EPS8: variants seen among roughly 807,000 people sequenced by gnomAD.
The protein encoded by EPS8 is EGFR pathway substrate 8, signaling adaptor.
In EPS8, 42 loss-of-function variants were observed where a neutral mutation model predicts 103.8. The ratio of observed to expected loss-of-function variants is 0.40; its 90% confidence interval spans 0.32 to 0.52. The LOEUF (loss-of-function observed/expected upper bound fraction) is 0.52, where lower values mean the gene tolerates loss of function less well. Ranked by LOEUF, EPS8 falls within the 20% of genes least tolerant of loss-of-function variation. The probability of loss-of-function intolerance (pLI) is 0.40; values close to 1 mark genes in which losing one functional copy is unlikely to be tolerated. For missense variants in EPS8, 969 were observed against 1,005.1 expected (o/e 0.96, Z 0.49); for synonymous variants, 344 against 344.6 (o/e 1.00, Z 0.02).
At chr12:15,662,688 G>A (rs1031855344) in intron 8 of EPS8, 3 of 978,770 alleles carry the variant, frequency 3.1e-6, no homozygotes, top group Non-Finnish European at 3.6e-6. Context: ...ACCATTCAGG[G>A]TATTAAGGTT....
At position 15,714,365 on chromosome 12, in the gene EPS8, G is replaced by A. The variant is rs1433859184; in HGVS notation, c.-21-31393C>T. On this transcript the variant is annotated intron_variant, in intron 1 of 20. Coordinates refer to ENST00000281172, the MANE Select transcript of EPS8 (RefSeq NM_004447.6). The surrounding 1 kb of genome is among the most constrained non-coding windows in gnomAD (Gnocchi z 4.1). ...TGAATAAAGATATGGCACAGGCTGGGTACAGTGGCTCACACCTGTAATCCC... is the reference window on the plus strand; with the variant it reads ...TGAATAAAGATATGGCACAGGCTGGATACAGTGGCTCACACCTGTAATCCC... Among the ~76,000 whole-genome samples, 1 of 152,176 alleles carries A rather than the reference G, an allele frequency of 6.6e-6. No homozygotes were observed. Among genetic ancestry groups the A allele is most frequent in the East Asian group, 1.9e-4 (1 of 5,200 alleles).
In EPS8 at chr12:15,745,532, A is replaced by T. The variant is rs1415360675; in HGVS notation, c.-22+43629T>A. Among the ~76,000 whole-genome samples, 1 of 148,322 alleles carries T rather than the reference A, an allele frequency of 6.7e-6. No individual in the cohort carries two copies. Among genetic ancestry groups the T allele is most frequent in the Non-Finnish European group, 1.5e-5 (1 of 67,570 alleles). ...AGACAGTCTCTACAGTCCCCATCTG[A>T]CTCCAAAAATCTATGACTATGTATC... On this transcript the variant is annotated intron_variant, in intron 1 of 20. Coordinates refer to ENST00000281172, the MANE Select transcript of EPS8 (RefSeq NM_004447.6). The surrounding 1 kb of genome is among the most constrained non-coding windows in gnomAD (Gnocchi z 4.6).
At chr12:15,768,516 G>A (rs1947121301) in intron 1 of EPS8, among the ~76,000 whole-genome samples, 1 of 150,772 alleles carries the variant, frequency 6.6e-6, no homozygotes, top group South Asian at 2.1e-4. Context: ...AGTTGGGTGT[G>A]TAGTATTTAC....
At chr12:15,626,627 CAAAA>C (rs771173535) in intron 18 of EPS8, among the ~76,000 whole-genome samples, 14 of 61,342 alleles carry the variant, frequency 2.3e-4, no homozygotes, top group African/African-American at 5.7e-4. Context: ...GACTCCGTCT[CAAAA>C]AAAAAAAAAA....
intron 3 of EPS8, among the ~76,000 whole-genome samples, chr12:15,671,185 A>G (rs1945810433): frequency 6.6e-6 from 1 of 152,140 alleles, no homozygotes; most frequent in African/African-American, 2.4e-5. Flanking sequence ...TATAAATATT[A>G]TAAGAAAAAA....
chr12:15,708,602 T>C (rs1191682573), intron 1 of EPS8, among the ~76,000 whole-genome samples: 1 of 152,218 alleles, frequency 6.6e-6, no homozygotes, highest in Non-Finnish European at 1.5e-5. Flanking sequence ...CAGCTCATTT[T>C]AGTTGGGTGA....
rs976179287 is a variant in EPS8 at position 15,716,814 on chromosome 12, T to G, written c.-21-33842A>C. ...GCAGAATCGATCAACAATGTCACAA[T>G]CCATTCATCTTGGAAGTATAAGCAA... On this transcript the variant is annotated intron_variant, in intron 1 of 20. Coordinates refer to ENST00000281172, the MANE Select transcript of EPS8 (RefSeq NM_004447.6). The surrounding 1 kb of genome is among the most constrained non-coding windows in gnomAD (Gnocchi z 5.0). Among the ~76,000 whole-genome samples, 5 of 152,272 alleles carry G rather than the reference T, an allele frequency of 3.3e-5. No individual in the cohort carries two copies. Among genetic ancestry groups the G allele is most frequent in the Non-Finnish European group, 2.9e-5 (2 of 68,020 alleles).
rs1423442507 is a variant in EPS8 at position 15,693,028 on chromosome 12, G to A, written c.-21-10056C>T. On this transcript the variant is annotated intron_variant, in intron 1 of 20. Transcript: ENST00000281172. The surrounding 1 kb of genome is among the most constrained non-coding windows in gnomAD (Gnocchi z 5.6). The stretch of plus-strand genomic sequence containing the variant: ...GCTTCTGAATTGCTTTAAATATCAG[G>A]TGATTACTGGTTATTACTCATATTG... Among the ~76,000 whole-genome samples the A allele has an allele frequency of 2.0e-5, 3 of 152,006 alleles. No individual in the cohort carries two copies. Among genetic ancestry groups the A allele is most frequent in the African/African-American group, 7.3e-5 (3 of 41,322 alleles).
intron 1 of EPS8, among the ~76,000 whole-genome samples, chr12:15,715,807 T>C (rs1946526864): frequency 6.6e-6 from 1 of 151,510 alleles, no homozygotes; most frequent in Admixed American, 6.6e-5. Context: ...CACTTTCTAA[T>C]AAACTTTCCC....
intron 9 of EPS8, among the ~76,000 whole-genome samples, chr12:15,660,978 A>G (rs1169762727): frequency 6.6e-6 from 1 of 152,186 alleles, no homozygotes; most frequent in Non-Finnish European, 1.5e-5. Context: ...AGCATTCACA[A>G]TATCTGCTCA....
chr12:15,661,657 T>C (rs900021494), intron 9 of EPS8, among the ~76,000 whole-genome samples: 4 of 152,184 alleles, frequency 2.6e-5, no homozygotes, highest in South Asian at 2.1e-4. Flanking sequence ...TATTCTAAAA[T>C]ACATTGTTAA....
chr12:15,646,199 T>G (rs1213769729), intron 15 of EPS8, among the ~76,000 whole-genome samples: 1 of 152,180 alleles, frequency 6.6e-6, no homozygotes, highest in African/African-American at 2.4e-5. Context: ...CTTGGAGTTA[T>G]ACCTGTGTAA....
At position 15,641,723 on chromosome 12, in the gene EPS8, T is replaced by C; in HGVS notation, c.1676A>G (p.Glu559Gly). 1 of 1,487,904 alleles carries C rather than the reference T, an allele frequency of 6.7e-7. No individual in the cohort carries two copies. Among genetic ancestry groups the C allele is most frequent in the Non-Finnish European group, 9.1e-7 (1 of 1,093,952 alleles). 92.2% of individuals were successfully genotyped at this position (1,487,904 alleles called of 1,614,324 possible). A position where few individuals can be genotyped will look rare whatever the true frequency, so the allele number is the denominator to read the frequency against. ...ATAAAAAAGAAAAAATTATATTACCTCTAAAATATCATCCTTTAGAACCGA... is the reference window on the plus strand; with the variant it reads ...ATAAAAAAGAAAAAATTATATTACCCCTAAAATATCATCCTTTAGAACCGA... ...ELSVLKDDILEILDDRKQWWK... is the reference protein window; with the variant it reads ...ELSVLKDDILGILDDRKQWWK... Residue 559 changes from glutamate (E) to glycine (G), a missense_variant and splice_region_variant, in exon 16 of 21, where the codon GAG becomes GGG. Physicochemically the swap from Glu to Gly is moderately conservative, Grantham distance 98. Transcript: ENST00000281172.
intron 1 of EPS8, among the ~76,000 whole-genome samples, chr12:15,741,616 A>AT (rs745909533): frequency 6.6e-5 from 10 of 152,204 alleles, no homozygotes; most frequent in Non-Finnish European, 1.5e-4. Context: ...TGGTTAGCAC[A>AT]TATCATCTTT....
intron 16 of EPS8, among the ~76,000 whole-genome samples, chr12:15,641,075 A>G (rs1945220941): frequency 6.6e-6 from 1 of 152,174 alleles, no homozygotes; most frequent in Non-Finnish European, 1.5e-5. Flanking sequence ...TTACCTCCAA[A>G]GAACAGCCTG....
intron 8 of EPS8, chr12:15,662,803 ATATCTCATGG>A (rs1945628829): frequency 4.5e-6 from 1 of 220,528 alleles, no homozygotes; most frequent in African/African-American, 2.4e-5. Flanking sequence ...GTTGTTACAG[ATATCTCATGG>A]TAGAATAAAT....
intron 1 of EPS8, among the ~76,000 whole-genome samples, chr12:15,740,889 G>C (rs1295765671): frequency 6.6e-6 from 1 of 152,138 alleles, no homozygotes; most frequent in Non-Finnish European, 1.5e-5. Context: ...ACATCTACGT[G>C]GATTGGTAAT....
At position 15,752,298 on chromosome 12, in the gene EPS8, T is replaced by A. The variant is rs934743671; in HGVS notation, c.-22+36863A>T. ...CCGTTTCTACTAAAAATACAAAAAA[T>A]TAGCCAGGTGTGGTGGCGGGTGCCT... On this transcript the variant is annotated intron_variant, in intron 1 of 20. Transcript: ENST00000281172. The surrounding 1 kb of genome is among the most constrained non-coding windows in gnomAD (Gnocchi z 4.4). Among the ~76,000 whole-genome samples the A allele has an allele frequency of 2.0e-5, 3 of 151,814 alleles. No homozygotes were observed. The highest frequency in any genetic ancestry group is 4.4e-5 in the Non-Finnish European group (3 of 67,928).
chr12:15,695,020 C>T lies in EPS8; in HGVS notation c.-21-12048G>A, dbSNP rs1190821058. ...TTTATTATGTCAGCCACTGTGCAAG[C>T]ACTTTACATGCATTATCTTACTTCT... is the stretch of plus-strand genomic sequence containing the variant. On this transcript the variant is annotated intron_variant, in intron 1 of 20. Coordinates refer to ENST00000281172, the MANE Select transcript of EPS8 (RefSeq NM_004447.6). This position sits in a 1 kb window ranked among gnomAD's most constrained non-coding sequence, Gnocchi z 5.0. Among the ~76,000 whole-genome samples the T allele has an allele frequency of 6.6e-6, 1 of 152,086 alleles. No homozygotes were observed. Among genetic ancestry groups the T allele is most frequent in the African/African-American group, 2.4e-5 (1 of 41,418 alleles).
Sources: allele counts gnomAD v4.1 joint callset (sites outside exome capture counted in the v4.1 genomes callset), GRCh38; gene constraint gnomAD v4.1.1; non-coding constraint Gnocchi (gnomAD v3.1); transcripts MANE v1.5; gene names NCBI Gene and HGNC (gene_info 2026-07-23, HGNC 2026-07-21).